SESTD1: variants seen among roughly 807,000 people sequenced by gnomAD.
SESTD1 encodes the protein SEC14 domain and spectrin repeat-containing protein 1.
Under a neutral mutation model 101.7 loss-of-function variants are expected in SESTD1, and 43 were observed. That is an observed-to-expected ratio of 0.42 (90% confidence interval 0.33 to 0.55). The LOEUF (loss-of-function observed/expected upper bound fraction) is 0.55, where lower values mean the gene tolerates loss of function less well. Among genes scored for constraint, SESTD1 ranks in the 20% least tolerant of loss-of-function variants. SESTD1 has a pLI of 0.07. For synonymous variants in SESTD1, 283 were observed against 286.8 expected, an observed-to-expected ratio of 0.99 and a Z score of 0.13; for missense variants, 647 against 815.1, an observed-to-expected ratio of 0.79 and a Z score of 2.51.
intron 5 of SESTD1, among the ~76,000 whole-genome samples, chr2:179,168,432 T>C (rs1174006831): frequency 6.6e-6 from 1 of 152,036 alleles, no homozygotes; most frequent in East Asian, 1.9e-4. Flanking sequence ...AAGTCAAAAG[T>C]AAGTTAGACA....
At chr2:179,164,229 CA>C (rs1424318720) in intron 5 of SESTD1, among the ~76,000 whole-genome samples, 1 of 152,008 alleles carries the variant, frequency 6.6e-6, no homozygotes, top group Non-Finnish European at 1.5e-5. Context: ...TAAATGGAGC[CA>C]GGGGTGTTCT....
At chr2:179,199,239 C>A (rs988260143) in intron 1 of SESTD1, among the ~76,000 whole-genome samples, 1 of 151,960 alleles carries the variant, frequency 6.6e-6, no homozygotes, top group African/African-American at 2.4e-5. Flanking sequence ...CATACACTCT[C>A]CCAAGACTAA....
chr2:179,190,305 T>C (rs1352662755), intron 2 of SESTD1, among the ~76,000 whole-genome samples: 1 of 152,084 alleles, frequency 6.6e-6, no homozygotes, highest in Non-Finnish European at 1.5e-5. Context: ...ACTACCTATT[T>C]AATAAATGAT....
intron 15 of SESTD1, 22 bp from the exon 16 acceptor site, chr2:179,115,278 A>G: frequency 6.5e-7 from 1 of 1,541,480 alleles, no homozygotes; most frequent in Non-Finnish European, 8.7e-7. Flanking sequence ...AAGGAAACAT[A>G]AAATTGTAAT....
At chr2:179,150,803 GAGCAAGA>G (rs2045507798) in intron 6 of SESTD1, among the ~76,000 whole-genome samples, 1 of 151,164 alleles carries the variant, frequency 6.6e-6, no homozygotes, top group Non-Finnish European at 1.5e-5. Flanking sequence ...CTGGGCAACA[GAGCAAGA>G]CTGTCTCAAA....
intron 7 of SESTD1, among the ~76,000 whole-genome samples, chr2:179,148,042 G>C (rs2045434552): frequency 6.6e-6 from 1 of 152,128 alleles, no homozygotes. Flanking sequence ...TCTGTAGGAT[G>C]GAAACATTCC....
intron 2 of SESTD1, among the ~76,000 whole-genome samples, chr2:179,184,567 A>G (rs2046177533): frequency 6.6e-6 from 1 of 152,292 alleles, no homozygotes; most frequent in African/African-American, 2.4e-5. Context: ...CTCAAAAAAA[A>G]AAAATGGATT....
rs1271989153 is a variant in SESTD1 at position 179,176,634 on chromosome 2, G to A, written c.165-96C>T. ...AAGGTTTAAAACTTAATCGCATATGGAGTAGAATTAATCTCACTTGGTTTA... is the reference window on the plus strand; with the variant it reads ...AAGGTTTAAAACTTAATCGCATATGAAGTAGAATTAATCTCACTTGGTTTA... On this transcript the variant is annotated intron_variant, in intron 3 of 17. Coordinates refer to ENST00000428443, the MANE Select transcript of SESTD1 (RefSeq NM_178123.5). 7 of 860,384 alleles carry A rather than the reference G, an allele frequency of 8.1e-6. No homozygotes were observed. The African/African-American group carries it at 1.2e-4, about 15-fold the overall frequency. 53.3% of individuals were successfully genotyped at this position (860,384 alleles called of 1,614,324 possible).
At chr2:179,238,707 T>C (rs998634488) in intron 1 of SESTD1, among the ~76,000 whole-genome samples, 6 of 152,148 alleles carry the variant, frequency 3.9e-5, no homozygotes, top group Non-Finnish European at 5.9e-5. Context: ...ATAAACCAAA[T>C]TGAGTATATG....
At chr2:179,189,171 C>T (rs2046282202) in intron 2 of SESTD1, among the ~76,000 whole-genome samples, 1 of 152,112 alleles carries the variant, frequency 6.6e-6, no homozygotes, top group African/African-American at 2.4e-5. Flanking sequence ...ATGCAAATAT[C>T]CTCAACAAAA....
In SESTD1 at chr2:179,197,834, G is replaced by C. The variant is rs536165878; in HGVS notation, c.-25-5968C>G. 1.5e-3 allele frequency among the ~76,000 whole-genome samples: 235 copies of C among 152,030 alleles called. 3 individuals carry two copies. The highest frequency in any genetic ancestry group is 5.0e-3 in the African/African-American group (207 of 41,448). On this transcript the variant is annotated intron_variant, in intron 1 of 17. Transcript: ENST00000428443. ...GCGCTAAACATGGAAAGGAACAACCGGTACCAGCCACTGCAAAATCATGCC... is the reference window on the plus strand; with the variant it reads ...GCGCTAAACATGGAAAGGAACAACCCGTACCAGCCACTGCAAAATCATGCC...
At chr2:179,228,489 T>C (rs1463031926) in intron 1 of SESTD1, among the ~76,000 whole-genome samples, 1 of 152,190 alleles carries the variant, frequency 6.6e-6, no homozygotes, top group African/African-American at 2.4e-5. Context: ...GAATGGGGTC[T>C]GTCTTTAATG....
chr2:179,187,526 C>T (rs12328593), intron 2 of SESTD1, among the ~76,000 whole-genome samples: 1,580 of 152,190 alleles, frequency 0.01, 24 homozygotes, highest in African/African-American at 0.032. Flanking sequence ...CCCAGCTAGT[C>T]GAAAGGCTGA....
intron 14 of SESTD1, among the ~76,000 whole-genome samples, chr2:179,117,233 C>T (rs2044653904): frequency 6.6e-6 from 1 of 152,028 alleles, no homozygotes; most frequent in Non-Finnish European, 1.5e-5. Flanking sequence ...GCAGTGTGCT[C>T]CACCAGATTT....
chr2:179,163,914 C>G lies in SESTD1; in HGVS notation c.369+8206G>C, dbSNP rs141482361. ...TGTTTCTCTTTTACTCTCATTATTCCTTCTGTAACTATAATACTTATCCTT... is the reference window on the plus strand; with the variant it reads ...TGTTTCTCTTTTACTCTCATTATTCGTTCTGTAACTATAATACTTATCCTT... On this transcript the variant is annotated intron_variant, in intron 5 of 17. Coordinates refer to ENST00000428443, the MANE Select transcript of SESTD1 (RefSeq NM_178123.5). Among the ~76,000 whole-genome samples, 639 of 152,182 alleles carry G rather than the reference C, an allele frequency of 4.2e-3. 2 individuals carry two copies. Among genetic ancestry groups the G allele is most frequent in the African/African-American group, 0.014 (592 of 41,532 alleles).
At position 179,202,855 on chromosome 2, in the gene SESTD1, GA is replaced by G. The variant is rs1472397740; in HGVS notation, c.-25-10990del. Among the ~76,000 whole-genome samples the G allele has an allele frequency of 2.2e-5, 3 of 134,576 alleles. 1 individual carries two copies. Among genetic ancestry groups the G allele is most frequent in the Non-Finnish European group, 4.8e-5 (3 of 62,664 alleles). The allele number at this position is 134,576 out of a possible 152,430, so 88.3% of individuals were successfully genotyped here. A position where few individuals can be genotyped will look rare whatever the true frequency, so the allele number is the denominator to read the frequency against. ...CCTCTCTGATGAGTGCCTTCCTCCA[GA>G]AAGATCCAATATCCTAAGTCCCACA... On this transcript the variant is annotated intron_variant, in intron 1 of 17. Coordinates refer to ENST00000428443, the MANE Select transcript of SESTD1 (RefSeq NM_178123.5).
intron 5 of SESTD1, among the ~76,000 whole-genome samples, chr2:179,154,953 T>C (rs1385065075): frequency 6.6e-6 from 1 of 152,120 alleles, no homozygotes; most frequent in Non-Finnish European, 1.5e-5. Context: ...CAATAATCAA[T>C]CATATCAGCA....
chr2:179,191,862 TAATTCTGAAAACACAGA>T lies in SESTD1; in HGVS notation c.-25-13_-22del. ...TCCATTTTACTCCAGTGAACTTCCT[TAATTCTGAAAACACAGA>T]AAGTCAAATGTCAACTACAAGACAA... On this transcript the variant is annotated splice_acceptor_variant and splice_polypyrimidine_tract_variant and 5_prime_UTR_variant and intron_variant, in exon 2 of 18. Transcript: ENST00000428443. LOFTEE classifies it low-confidence loss of function (5UTR_SPLICE). 6.3e-7 allele frequency: 1 copy of T among 1,598,850 alleles called. No individual in the cohort carries two copies.
chr2:179,147,508 C>T (rs1452084405), intron 7 of SESTD1, among the ~76,000 whole-genome samples: 1 of 151,952 alleles, frequency 6.6e-6, no homozygotes, highest in Non-Finnish European at 1.5e-5. Flanking sequence ...ACTACAGGTG[C>T]GTGCCACCAC....
Sources: allele counts gnomAD v4.1 joint callset (sites outside exome capture counted in the v4.1 genomes callset), GRCh38; gene constraint gnomAD v4.1.1; transcripts MANE v1.5; gene names NCBI Gene and HGNC (gene_info 2026-07-23, HGNC 2026-07-21).